The following TTBK2 variants were observed in gnomAD, a reference collection of about 807,000 sequenced individuals.
TTBK2 encodes tau tubulin kinase 2.
Under a neutral mutation model 110.8 loss-of-function variants are expected in TTBK2, and 28 were observed. The ratio of observed to expected loss-of-function variants is 0.25; its 90% CI spans 0.19 to 0.35. TTBK2 has a LOEUF of 0.35. Ranked by LOEUF, TTBK2 falls within the 10% of genes least tolerant of loss-of-function variation. The probability of loss-of-function intolerance (pLI) is 1.00; values close to 1 mark genes in which losing one functional copy is unlikely to be tolerated. For synonymous variants in TTBK2, 532 were observed against 527.3 expected (o/e 1.01, Z -0.12); for missense variants, 1,369 against 1,500.3 (o/e 0.91, Z 1.45).
At chr15:42,889,638 A>G (rs532387393) in intron 1 of TTBK2, among the ~76,000 whole-genome samples, 7 of 152,244 alleles carry the variant, frequency 4.6e-5, no homozygotes, top group South Asian at 2.1e-4. Context: ...TAGTCCTTTA[A>G]TATCTATTTT....
In TTBK2 at chr15:42,739,658, T is replaced by C. The variant is rs1468266410; in HGVS notation, c.*6137A>G. On this transcript the variant is annotated 3_prime_UTR_variant, in exon 15 of 15. Coordinates refer to ENST00000267890, the MANE Select transcript of TTBK2 (RefSeq NM_173500.4). Reference sequence around the variant, plus strand: ...GGCCAGTGTTACCTTTATCTTCCCATCTTTGTATTTCTGAAAGCTTTGTCA... The same window carrying C: ...GGCCAGTGTTACCTTTATCTTCCCACCTTTGTATTTCTGAAAGCTTTGTCA... The C allele has an allele frequency of 6.6e-6, 1 of 152,232 alleles. No individual in the cohort carries two copies. Among genetic ancestry groups the C allele is most frequent in the African/African-American group, 2.4e-5 (1 of 41,464 alleles). The allele number at this position is 152,232 out of a possible 1,614,324, so 9.4% of individuals were successfully genotyped here. A position where few individuals can be genotyped will look rare whatever the true frequency, so the allele number is the denominator to read the frequency against.
At chr15:42,848,421 A>G (rs558264082) in intron 3 of TTBK2, among the ~76,000 whole-genome samples, 19 of 152,118 alleles carry the variant, frequency 1.2e-4, no homozygotes, top group Middle Eastern at 6.8e-3. Context: ...ATGCCTCTCC[A>G]TTTATTTAAA....
chr15:42,769,214 G>A (rs946145656), intron 13 of TTBK2, among the ~76,000 whole-genome samples: 8 of 152,294 alleles, frequency 5.3e-5, no homozygotes, highest in African/African-American at 1.9e-4. Flanking sequence ...AGGACTTCAC[G>A]ACTAAAACAC....
In TTBK2 at chr15:42,783,601, G is replaced by A. The variant is rs371538715; in HGVS notation, c.1015C>T (p.Leu339Phe). ...ANATPIPGDLLRENTDEVFPD... is the reference protein window; with the variant it reads ...ANATPIPGDLFRENTDEVFPD... ...AATACCTCATCTGTATTTTCTCGAAGCAAGTCTCCAGGGATGGGAGTAGCA... is the reference window on the plus strand; with the variant it reads ...AATACCTCATCTGTATTTTCTCGAAACAAGTCTCCAGGGATGGGAGTAGCA... The change falls in exon 11 of 15, where the codon CTT becomes TTT. Residue 339 changes from leucine (L) to phenylalanine (F), a missense_variant. Physicochemically the swap from Leu to Phe is conservative, Grantham distance 22 (BLOSUM62 0). Coordinates refer to ENST00000267890, the MANE Select transcript of TTBK2 (RefSeq NM_173500.4). 35 of 1,613,916 alleles carry A rather than the reference G, an allele frequency of 2.2e-5. No homozygotes were observed. In the African/African-American group the frequency reaches 4.1e-4, roughly 19 times the overall value.
intron 3 of TTBK2, among the ~76,000 whole-genome samples, chr15:42,860,266 A>AAAAC (rs139676985): frequency 6.6e-6 from 1 of 152,074 alleles, no homozygotes; most frequent in Non-Finnish European, 1.5e-5. Context: ...GGATAAATGC[A>AAAAC]AAACAAACAA....
chr15:42,751,882 GCAA>G lies in TTBK2; in HGVS notation c.3272+89_3272+91del, dbSNP rs1265379304. On this transcript the variant is annotated intron_variant, in intron 14 of 14. Coordinates refer to ENST00000267890, the MANE Select transcript of TTBK2 (RefSeq NM_173500.4). ...AGGAAAGAAAGATACTGAGAAGGGG[GCAA>G]CACAGAAATGTTGCCATTGGTGGAC... is the stretch of plus-strand genomic sequence containing the variant. The G allele has an allele frequency of 1.1e-5, 16 of 1,450,104 alleles. No individual in the cohort carries two copies. In the Admixed American group the frequency reaches 2.0e-4, roughly 18 times the overall value. The allele number at this position is 1,450,104 out of a possible 1,614,324, so 89.8% of individuals were successfully genotyped here.
intron 1 of TTBK2, among the ~76,000 whole-genome samples, chr15:42,913,994 T>G (rs1752954475): frequency 6.6e-6 from 1 of 151,772 alleles, no homozygotes; most frequent in African/African-American, 2.4e-5. Context: ...TTTTTTTTTT[T>G]GAGATGGAGT....
rs140533266 is a variant in TTBK2 at position 42,846,799 on chromosome 15, C to T, written c.218-6366G>A. On this transcript the variant is annotated intron_variant, in intron 3 of 14. Coordinates refer to ENST00000267890, the MANE Select transcript of TTBK2 (RefSeq NM_173500.4). ...GAGGATTGGAACTTTCAGCCTCACC[C>T]ACCAACCTCCAGGAAAGGTGAGTGG... Among the ~76,000 whole-genome samples the T allele has an allele frequency of 2.5e-3, 382 of 152,228 alleles. 1 individual carries two copies. The highest frequency in any genetic ancestry group is 0.017 in the Middle Eastern group (5 of 294).
At chr15:42,916,961 T>C (rs1007830278) in intron 1 of TTBK2, among the ~76,000 whole-genome samples, 3 of 152,138 alleles carry the variant, frequency 2.0e-5, no homozygotes, top group Non-Finnish European at 4.4e-5. Context: ...CTGATTCTTG[T>C]TTTCAATAAA....
rs188211254 is a variant in TTBK2 at position 42,741,866 on chromosome 15, G to A, written c.*3929C>T. 2.6e-5 allele frequency: 4 copies of A among 152,104 alleles called. No individual in the cohort carries two copies. In the East Asian group the frequency reaches 7.7e-4, roughly 29 times the overall value. The allele number at this position is 152,104 out of a possible 1,614,324, so 9.4% of individuals were successfully genotyped here. On this transcript the variant is annotated 3_prime_UTR_variant, in exon 15 of 15. Transcript: ENST00000267890. Reference sequence around the variant, plus strand: ...ACCAATTCCTAATGTTAGGAATGTAGAACTGTCTGCTCTTGGGGAAAAAAA... The same window carrying A: ...ACCAATTCCTAATGTTAGGAATGTAAAACTGTCTGCTCTTGGGGAAAAAAA...
intron 13 of TTBK2, among the ~76,000 whole-genome samples, chr15:42,773,953 C>T (rs1285433282): frequency 1.3e-5 from 2 of 152,122 alleles, no homozygotes; most frequent in Non-Finnish European, 2.9e-5. Flanking sequence ...AGATTTCAGC[C>T]CTAATTTGTT....
chr15:42,809,816 A>G (rs1389188594), intron 9 of TTBK2, among the ~76,000 whole-genome samples: 1 of 152,238 alleles, frequency 6.6e-6, no homozygotes, highest in Non-Finnish European at 1.5e-5. Flanking sequence ...TCACAGAGCA[A>G]TAATTACTAT....
At position 42,800,930 on chromosome 15, in the gene TTBK2, G is replaced by A. The variant is rs748800336; in HGVS notation, c.823-6129C>T. The A allele has an allele frequency of 2.0e-5, 14 of 711,592 alleles. No homozygotes were observed. The Middle Eastern group carries it at 7.3e-4, about 37-fold the overall frequency. 44.1% of individuals were successfully genotyped at this position (711,592 alleles called of 1,614,324 possible). On this transcript the variant is annotated intron_variant, in intron 9 of 14. Coordinates refer to ENST00000267890, the MANE Select transcript of TTBK2 (RefSeq NM_173500.4). ...CAGTGGCCTCCCTCCTAGGCTCTGC[G>A]GCAGCCGCAGGAGGGACAGGCTGGG...
intron 2 of TTBK2, among the ~76,000 whole-genome samples, chr15:42,873,430 T>A (rs1388223040): frequency 2.0e-5 from 3 of 151,874 alleles, no homozygotes; most frequent in African/African-American, 7.3e-5. Context: ...AGAGACTCCA[T>A]CTCAAAAACG....
At chr15:42,749,465 C>T (rs1383683304) in intron 14 of TTBK2, among the ~76,000 whole-genome samples, 3 of 152,302 alleles carry the variant, frequency 2.0e-5, no homozygotes, top group African/African-American at 7.2e-5. Flanking sequence ...CCCCCATTCC[C>T]GGCCCCATGG....
intron 11 of TTBK2, among the ~76,000 whole-genome samples, chr15:42,782,882 A>AT (rs201132302): frequency 6.8e-4 from 102 of 150,140 alleles, no homozygotes; most frequent in African/African-American, 1.9e-3. Flanking sequence ...GTCACTAGTG[A>AT]TTTTTTTTTT....
intron 3 of TTBK2, among the ~76,000 whole-genome samples, chr15:42,848,041 G>A (rs757664250): frequency 3.3e-5 from 5 of 151,890 alleles, no homozygotes; most frequent in Non-Finnish European, 2.9e-5. Flanking sequence ...ATAGAGATGC[G>A]GGTCTCACTA....
chr15:42,815,956 A>ATATATATATATATATATAT (rs1256399173), intron 7 of TTBK2, among the ~76,000 whole-genome samples: 6 of 63,958 alleles, frequency 9.4e-5, no homozygotes, highest in South Asian at 1.3e-3. Context: ...ATTTAAAAAA[A>ATATATATATATATATATAT]AAATATATAT....
At chr15:42,795,937 C>T (rs545424423) in intron 9 of TTBK2, among the ~76,000 whole-genome samples, 1 of 151,568 alleles carries the variant, frequency 6.6e-6, no homozygotes, top group East Asian at 1.9e-4. Flanking sequence ...GAACAGATGA[C>T]CAGTTAAGAG....
Sources: allele counts gnomAD v4.1 joint callset (sites outside exome capture counted in the v4.1 genomes callset), GRCh38; gene constraint gnomAD v4.1.1; transcripts MANE v1.5; gene names NCBI Gene and HGNC (gene_info 2026-07-23, HGNC 2026-07-21).